The following NFIA variants were observed in gnomAD, a reference collection of about 807,000 sequenced individuals.
NFIA encodes the protein nuclear factor I A.
A neutral mutation model predicts 62.8 loss-of-function variants in NFIA; 8 were observed. That is an observed-to-expected ratio of 0.13 (90% CI 0.07 to 0.23). NFIA has a LOEUF of 0.23. Ranked by LOEUF, NFIA falls within the 10% of genes least tolerant of loss-of-function variation. NFIA has a pLI of 1.00. For missense variants in NFIA, 410 were observed against 642.1 expected (o/e 0.64, Z 3.91); for synonymous variants, 235 against 238.1 (o/e 0.99, Z 0.12).
chr1:61,099,313 AACAG>A (rs762049304), intron 2 of NFIA, among the ~76,000 whole-genome samples: 18 of 152,276 alleles, frequency 1.2e-4, no homozygotes, highest in African/African-American at 4.3e-4. Flanking sequence ...ATTGGAGGGA[AACAG>A]ACAGATTGGA....
At chr1:61,347,375 G>A (rs1001456974) in intron 4 of NFIA, among the ~76,000 whole-genome samples, 1 of 151,584 alleles carries the variant, frequency 6.6e-6, no homozygotes, top group Non-Finnish European at 1.5e-5. Flanking sequence ...GAGTTTCACC[G>A]TGTTAGCCAG....
chr1:61,266,651 C>T (rs753395101), intron 2 of NFIA, among the ~76,000 whole-genome samples: 26 of 152,154 alleles, frequency 1.7e-4, no homozygotes, highest in Non-Finnish European at 3.1e-4. Flanking sequence ...CTGCCCACCT[C>T]GGCCTCCCAA....
At chr1:61,147,359 C>T (rs1477059291) in intron 2 of NFIA, among the ~76,000 whole-genome samples, 1 of 152,142 alleles carries the variant, frequency 6.6e-6, no homozygotes, top group Non-Finnish European at 1.5e-5. Flanking sequence ...CCACGTTGGC[C>T]AGGTTGGTCT....
At chr1:61,128,017 C>G (rs1647005810) in intron 2 of NFIA, among the ~76,000 whole-genome samples, 1 of 152,168 alleles carries the variant, frequency 6.6e-6, no homozygotes, top group South Asian at 2.1e-4. Flanking sequence ...GCACTGAACC[C>G]AGCATCTGGC....
At chr1:61,215,035 ATAAG>A (rs57305559) in intron 2 of NFIA, among the ~76,000 whole-genome samples, 7,343 of 152,250 alleles carry the variant, frequency 0.048, 575 homozygotes, top group African/African-American at 0.17. Context: ...CTTCAACAAA[ATAAG>A]TGTCTGCAGT....
At chr1:61,380,825 C>T (rs938842158) in intron 6 of NFIA, among the ~76,000 whole-genome samples, 1 of 151,978 alleles carries the variant, frequency 6.6e-6, no homozygotes, top group Non-Finnish European at 1.5e-5. Context: ...CGTCTTTAAC[C>T]CTTGCAAAGA....
rs1029786663 is a variant in NFIA at position 61,213,264 on chromosome 1, TGAG to T, written c.560-64255_560-64253del. ...AAGTTCCTGGTGGGCAGTTGACAAT[TGAG>T]TATCAGTCTTGATGCTCCAGATTTG... On this transcript the variant is annotated intron_variant, in intron 2 of 10. Transcript: ENST00000403491. 9.9e-5 allele frequency among the ~76,000 whole-genome samples: 15 copies of T among 152,182 alleles called. No individual in the cohort carries two copies. The South Asian group carries it at 1.2e-3, about 13-fold the overall frequency.
chr1:61,419,221 T>C (rs1170795864), intron 9 of NFIA, among the ~76,000 whole-genome samples: 3 of 152,146 alleles, frequency 2.0e-5, no homozygotes, highest in Non-Finnish European at 2.9e-5. Context: ...CGCAGGAAGA[T>C]TGCTTGAAAC....
At chr1:61,328,103 GA>G (rs1327548686) in intron 3 of NFIA, among the ~76,000 whole-genome samples, 1 of 95,874 alleles carries the variant, frequency 1.0e-5, no homozygotes, top group African/African-American at 3.2e-5. Context: ...TTTTTGCTGG[GA>G]TTTTTTTTTT....
intron 4 of NFIA, among the ~76,000 whole-genome samples, chr1:61,333,979 G>A (rs1052846629): frequency 3.3e-5 from 5 of 152,178 alleles, no homozygotes; most frequent in Non-Finnish European, 7.3e-5. Flanking sequence ...CAGCCTGGGC[G>A]ACAGAGTGAG....
rs141706692 is a variant in NFIA, at chr1:61,131,446, A to G, written c.559+42766A>G. On this transcript the variant is annotated intron_variant, in intron 2 of 10. Transcript: ENST00000403491. ...GATGCATTTTAGTGCTGATGTGTGC[A>G]TTTAACTGTGGACAGTAGGAACAAG... is the stretch of plus-strand genomic sequence containing the variant. Among the ~76,000 whole-genome samples the G allele has an allele frequency of 2.8e-4, 42 of 152,278 alleles. No individual in the cohort carries two copies. In the East Asian group the frequency reaches 2.9e-3, roughly 11 times the overall value.
At chr1:61,082,089 G>A (rs1292297960), upstream of NFIA, 1 of 1,523,230 alleles carries the variant, frequency 6.6e-7, no homozygotes, top group South Asian at 1.2e-5. Flanking sequence ...ATGGGGACGA[G>A]GAAAAGTAGT....
At chr1:61,077,517 C>A, upstream of NFIA, 5 of 984,478 alleles carry the variant, frequency 5.1e-6, no homozygotes, top group Non-Finnish European at 6.8e-6. Context: ...GGGTTTTCAA[C>A]GGTTCCAAGT....
intron 2 of NFIA, among the ~76,000 whole-genome samples, chr1:61,166,938 G>T (rs545000330): frequency 6.6e-6 from 1 of 152,222 alleles, no homozygotes; most frequent in South Asian, 2.1e-4. Flanking sequence ...TCAGGAGATC[G>T]AGACCATCCT....
chr1:61,386,764 G>A (rs148416699), intron 7 of NFIA, among the ~76,000 whole-genome samples: 6 of 152,314 alleles, frequency 3.9e-5, no homozygotes, highest in South Asian at 2.1e-4. Flanking sequence ...GGGAGGTAGC[G>A]TAGCACAGCG....
intron 2 of NFIA, among the ~76,000 whole-genome samples, chr1:61,141,263 A>G (rs1452213429): frequency 1.3e-5 from 2 of 152,206 alleles, no homozygotes; most frequent in East Asian, 1.9e-4. Flanking sequence ...GAAAAAAACA[A>G]CAGAAACCCA....
intron 3 of NFIA, among the ~76,000 whole-genome samples, chr1:61,287,973 T>G (rs1658614625): frequency 6.6e-6 from 1 of 152,222 alleles, no homozygotes; most frequent in African/African-American, 2.4e-5. Context: ...TTCTAGTGAC[T>G]TGGCTGCTTA....
rs1661358905 is a variant in NFIA at position 61,332,656 on chromosome 1, C to T, written c.700+70C>T. 6 of 1,298,684 alleles carry T rather than the reference C, an allele frequency of 4.6e-6. No homozygotes were observed. In the South Asian group the frequency reaches 6.5e-5, roughly 14 times the overall value. The allele number at this position is 1,298,684 out of a possible 1,614,324, so 80.4% of individuals were successfully genotyped here. On this transcript the variant is annotated intron_variant, in intron 4 of 10. Transcript: ENST00000403491. ...TGTGCTTACTTTCTGCCTAGGACTC[C>T]TAGAGACCAAAAAAAGCTTTCAGAA...
At chr1:61,349,023 A>G (rs1662401804) in intron 4 of NFIA, among the ~76,000 whole-genome samples, 4 of 152,236 alleles carry the variant, frequency 2.6e-5, no homozygotes, top group Admixed American at 1.3e-4. Context: ...TACCTACTGT[A>G]TGTCAGCTTG....
Sources: gnomAD v4.1 joint callset for allele counts (sites outside exome capture counted in the v4.1 genomes callset) on GRCh38, gnomAD v4.1.1 for gene constraint, MANE v1.5 for transcripts, NCBI Gene and HGNC (gene_info 2026-07-23, HGNC 2026-07-21) for gene names.